Variants in GRIN2B observed in about 807,000 individuals in gnomAD.
GRIN2B encodes the protein glutamate ionotropic receptor NMDA type subunit 2B, also known as glutamate receptor ionotropic, NMDA 2B.
GRIN2B carries 5 observed loss-of-function variants against 114.5 expected under a neutral mutation model. The ratio of observed to expected loss-of-function variants is 0.04; its 90% CI spans 0.02 to 0.09. The LOEUF is 0.09. Ranked by LOEUF, GRIN2B falls within the 10% of genes least tolerant of loss-of-function variation. The probability of loss-of-function intolerance (pLI) is 1.00; values close to 1 mark genes in which losing one functional copy is unlikely to be tolerated. For synonymous variants in GRIN2B, 787 were observed against 745.1 expected (o/e 1.06, Z -0.92); for missense variants, 1,108 against 1,943.5 (o/e 0.57, Z 8.08).
intron 4 of GRIN2B, among the ~76,000 whole-genome samples, chr12:13,722,139 G>A (rs1025994638): frequency 3.3e-5 from 5 of 152,078 alleles, no homozygotes; most frequent in African/African-American, 7.2e-5. Flanking sequence ...GGTTAAGGAG[G>A]GTGAAAGAGG....
intron 2 of GRIN2B, among the ~76,000 whole-genome samples, chr12:13,889,396 A>G (rs1050048754): frequency 6.6e-5 from 10 of 152,214 alleles, no homozygotes; most frequent in Non-Finnish European, 1.0e-4. Context: ...GACATATAAA[A>G]TGCTTTTATA....
chr12:13,824,760 G>T (rs983680992), intron 3 of GRIN2B, among the ~76,000 whole-genome samples: 1 of 150,950 alleles, frequency 6.6e-6, no homozygotes, highest in South Asian at 2.1e-4. Context: ...GGAGGCTGAG[G>T]CAGGAGAATT....
chr12:13,901,589 T>C (rs1434258419), intron 2 of GRIN2B, among the ~76,000 whole-genome samples: 1 of 152,112 alleles, frequency 6.6e-6, no homozygotes, highest in East Asian at 1.9e-4. Context: ...AATAGGCGTA[T>C]GTAATACTGG....
intron 4 of GRIN2B, among the ~76,000 whole-genome samples, chr12:13,730,973 C>T (rs536870608): frequency 3.9e-4 from 59 of 152,224 alleles, no homozygotes; most frequent in African/African-American, 1.3e-3. Flanking sequence ...ATCCTCCTTC[C>T]CTGTCTCCAC....
Position 13,615,457 on chromosome 12 carries a change from A to G in GRIN2B, c.1500+36T>C, listed in dbSNP as rs748337370. On this transcript the variant is annotated intron_variant, in intron 7 of 13. Transcript: ENST00000609686. This position sits in a 1 kb window ranked among gnomAD's most constrained non-coding sequence, Gnocchi z 5.8. Reference sequence around the variant, plus strand: ...ATATTTAGAAGAAGGAAAATAAATGAAAATGGAAATGGAAACAGCCCTTGT... The same window carrying G: ...ATATTTAGAAGAAGGAAAATAAATGGAAATGGAAATGGAAACAGCCCTTGT... The G allele has an allele frequency of 4.4e-6, 7 of 1,575,872 alleles. No individual in the cohort carries two copies. The highest frequency in any genetic ancestry group is 1.7e-4 in the Middle Eastern group (1 of 5,994).
intron 5 of GRIN2B, among the ~76,000 whole-genome samples, chr12:13,623,756 T>C (rs954950971): frequency 1.3e-5 from 2 of 152,200 alleles, no homozygotes; most frequent in African/African-American, 2.4e-5. Flanking sequence ...CTGGTCTTTT[T>C]TTCTGTGCAC....
intron 5 of GRIN2B, among the ~76,000 whole-genome samples, chr12:13,621,424 A>G (rs1187889210): frequency 6.6e-6 from 1 of 152,106 alleles, no homozygotes; most frequent in Admixed American, 6.5e-5. Context: ...ACCTTAAGAA[A>G]TAATGAAGAA....
intron 5 of GRIN2B, among the ~76,000 whole-genome samples, chr12:13,643,814 G>T (rs1162572291): frequency 6.6e-6 from 1 of 152,022 alleles, no homozygotes; most frequent in Non-Finnish European, 1.5e-5. Flanking sequence ...CACTTTCTTT[G>T]CTCATCTGTA....
intron 2 of GRIN2B, among the ~76,000 whole-genome samples, chr12:13,888,869 G>A (rs528847834): frequency 6.6e-6 from 1 of 151,910 alleles, no homozygotes; most frequent in Admixed American, 6.6e-5. Flanking sequence ...AGTGAGTCAG[G>A]GAGTGAATGT....
intron 3 of GRIN2B, among the ~76,000 whole-genome samples, chr12:13,810,051 T>C (rs535281569): frequency 6.6e-6 from 1 of 152,144 alleles, no homozygotes; most frequent in Non-Finnish European, 1.5e-5. Flanking sequence ...GAGCTCCCCA[T>C]TCTTTCCTAC....
At position 13,563,121 on chromosome 12, in the gene GRIN2B, G is replaced by C. The variant is rs1948571332; in HGVS notation, c.4117C>G (p.Leu1373Val). 6.2e-7 allele frequency: 1 copy of C among 1,614,182 alleles called. No homozygotes were observed. Among genetic ancestry groups the C allele is most frequent in the Non-Finnish European group, 8.5e-7 (1 of 1,180,024 alleles). ...CGGTCAGGGTAGAGCGACTTGCTGA[G>C]CATGTACCCGCCGCCGGGGTTGTTG... ...HHNNPGGGYMLSKSLYPDRVT... is the reference protein window; with the variant it reads ...HHNNPGGGYMVSKSLYPDRVT... Residue 1373 changes from leucine to valine, a missense_variant, in exon 14 of 14, where the codon CTC becomes GTC. By Grantham distance (32) the Leu-to-Val change is conservative (BLOSUM62 1). Coordinates refer to ENST00000609686, the MANE Select transcript of GRIN2B (RefSeq NM_000834.5).
intron 3 of GRIN2B, among the ~76,000 whole-genome samples, chr12:13,834,095 A>G (rs922960949): frequency 7.5e-6 from 1 of 133,542 alleles, no homozygotes; most frequent in Non-Finnish European, 1.5e-5. Context: ...CAGTGGTGCA[A>G]TCTTGGCTCA....
chr12:13,846,563 C>T (rs1273011529), intron 3 of GRIN2B, among the ~76,000 whole-genome samples: 1 of 152,170 alleles, frequency 6.6e-6, no homozygotes, highest in African/African-American at 2.4e-5. Flanking sequence ...TATTCGACTC[C>T]ACCACCATTT....
intron 2 of GRIN2B, among the ~76,000 whole-genome samples, chr12:13,897,936 A>G (rs1169011993): frequency 1.3e-5 from 2 of 151,458 alleles, no homozygotes; most frequent in Non-Finnish European, 2.9e-5. Flanking sequence ...CTACCCTCCC[A>G]ATATGTAACT....
At chr12:13,794,207 C>CAAAAAAAAAAAAAAAAAAAGAAAAAAA (rs3082833) in intron 3 of GRIN2B, among the ~76,000 whole-genome samples, 1 of 103,066 alleles carries the variant, frequency 9.7e-6, no homozygotes, top group African/African-American at 3.9e-5. Flanking sequence ...GACTCTGTCT[C>CAAAAAAAAAAAAAAAAAAAGAAAAAAA]AAAAAAAAAA....
At chr12:13,608,534 A>G (rs1949318643) in intron 10 of GRIN2B, 69 bp downstream of exon 10, 1 of 1,136,758 alleles carries the variant, frequency 8.8e-7, no homozygotes, top group Non-Finnish European at 1.3e-6. Context: ...AAGCAGGTAC[A>G]TGAGAACTTT....
intron 2 of GRIN2B, among the ~76,000 whole-genome samples, chr12:13,934,859 G>T (rs1208078788): frequency 6.6e-6 from 1 of 152,192 alleles, no homozygotes; most frequent in African/African-American, 2.4e-5. Flanking sequence ...CTCAGCCTCT[G>T]ATCATCTGTC....
intron 4 of GRIN2B, among the ~76,000 whole-genome samples, chr12:13,684,719 C>A (rs1417755004): frequency 1.3e-5 from 2 of 152,138 alleles, no homozygotes; most frequent in African/African-American, 4.8e-5. Flanking sequence ...TTCCTTTCTT[C>A]TTCCAGAGAT....
chr12:13,584,801 G>T (rs1948897820), intron 10 of GRIN2B, among the ~76,000 whole-genome samples: 1 of 152,232 alleles, frequency 6.6e-6, no homozygotes, highest in Non-Finnish European at 1.5e-5. Context: ...AGAGGCATAA[G>T]GACAGAGGCA....
Sources: gnomAD v4.1 joint callset for allele counts (sites outside exome capture counted in the v4.1 genomes callset) on GRCh38, gnomAD v4.1.1 for gene constraint, Gnocchi (gnomAD v3.1) non-coding constraint, MANE v1.5 for transcripts, NCBI Gene and HGNC (gene_info 2026-07-23, HGNC 2026-07-21) for gene names.